Variants in FARS2 observed in about 807,000 individuals in gnomAD.
FARS2 encodes the protein phenylalanine--tRNA ligase, mitochondrial.
FARS2 carries 40 observed loss-of-function variants against 46.4 expected under a neutral mutation model. The observed-to-expected ratio is 0.86, with a 90% confidence interval of 0.67 to 1.12. The LOEUF is 1.12. Among genes scored for constraint, FARS2 ranks in the 50% most tolerant of loss-of-function variants. FARS2 has a pLI of 0.00. For missense variants in FARS2, 513 were observed against 567.9 expected (o/e 0.90, Z 0.98); for synonymous variants, 234 against 214.9 (o/e 1.09, Z -0.78).
chr6:5,709,457 T>C (rs1561813933), intron 6 of FARS2, among the ~76,000 whole-genome samples: 2 of 152,332 alleles, frequency 1.3e-5, no homozygotes, highest in African/African-American at 2.4e-5. Context: ...GGAACTCTGA[T>C]GTACACAGTG....
chr6:5,277,212 TTTTTC>T (rs1243588313), intron 1 of FARS2, among the ~76,000 whole-genome samples: 3 of 152,074 alleles, frequency 2.0e-5, no homozygotes, highest in South Asian at 2.1e-4. Context: ...TTGTTTTTTT[TTTTTC>T]TTTTCTTTTC....
rs548981551 is a variant in FARS2, at chr6:5,634,953, C to T, written c.1217+21633C>T. Among the ~76,000 whole-genome samples, 4 of 152,266 alleles carry T rather than the reference C, an allele frequency of 2.6e-5. No homozygotes were observed. The East Asian group carries it at 7.7e-4, about 29-fold the overall frequency. On this transcript the variant is annotated intron_variant, in intron 6 of 6. Transcript: ENST00000274680. ...TATTCCCTCTTATTTCTTAATGTGT[C>T]CTGGAAGGAATGGAATATGAAGTCT...
chr6:5,760,801 T>C (rs768404667), intron 6 of FARS2, among the ~76,000 whole-genome samples: 4 of 152,328 alleles, frequency 2.6e-5, no homozygotes, highest in African/African-American at 9.6e-5. Context: ...GCCAAAGTCA[T>C]GTCCCATCCT....
intron 6 of FARS2, among the ~76,000 whole-genome samples, chr6:5,755,428 G>A (rs949413347): frequency 2.6e-5 from 4 of 152,112 alleles, no homozygotes; most frequent in African/African-American, 9.7e-5. Context: ...TTATGAGTGA[G>A]AACATGTGGT....
At chr6:5,600,568 G>A (rs2150631725) in intron 5 of FARS2, among the ~76,000 whole-genome samples, 1 of 142,024 alleles carries the variant, frequency 7.0e-6, no homozygotes, top group Admixed American at 7.0e-5. Context: ...ATGAATAGAT[G>A]GAATTAAAAG....
intron 4 of FARS2, among the ~76,000 whole-genome samples, chr6:5,525,610 A>G (rs9392690): frequency 0.12 from 18,169 of 152,256 alleles, 1,182 homozygotes; most frequent in East Asian, 0.22. Flanking sequence ...GTGAGTGTCA[A>G]TGAGGGGAAC....
intron 6 of FARS2, among the ~76,000 whole-genome samples, chr6:5,728,268 A>T (rs1760394689): frequency 6.6e-6 from 1 of 151,908 alleles, no homozygotes; most frequent in African/African-American, 2.4e-5. Context: ...AATAGCTGGG[A>T]ATGGGCTGGT....
intron 1 of FARS2, among the ~76,000 whole-genome samples, chr6:5,360,820 A>G (rs1399574841): frequency 6.6e-6 from 1 of 152,160 alleles, no homozygotes; most frequent in Non-Finnish European, 1.5e-5. Flanking sequence ...AAAATTTATG[A>G]TGTTATGTTA....
At chr6:5,404,069 C>A (rs146234530) in intron 2 of FARS2, among the ~76,000 whole-genome samples, 1 of 152,146 alleles carries the variant, frequency 6.6e-6, no homozygotes, top group Non-Finnish European at 1.5e-5. Context: ...AGATAGTAAG[C>A]GGCAGAAACA....
chr6:5,618,611 A>T (rs1426609947), intron 6 of FARS2, among the ~76,000 whole-genome samples: 1 of 152,102 alleles, frequency 6.6e-6, no homozygotes, highest in Non-Finnish European at 1.5e-5. Context: ...AAATGGAGAA[A>T]TTTTTTCTTG....
intron 6 of FARS2, among the ~76,000 whole-genome samples, chr6:5,639,133 T>C (rs1410138885): frequency 6.6e-6 from 1 of 152,254 alleles, no homozygotes; most frequent in Non-Finnish European, 1.5e-5. Context: ...TTAGCCTCTC[T>C]GAGCCACTGA....
intron 6 of FARS2, among the ~76,000 whole-genome samples, chr6:5,621,843 T>G (rs1209691673): frequency 1.3e-5 from 2 of 152,218 alleles, no homozygotes; most frequent in Non-Finnish European, 2.9e-5. Flanking sequence ...AGGGAAGGTC[T>G]AAGGGCCAGA....
intron 2 of FARS2, among the ~76,000 whole-genome samples, chr6:5,395,032 T>C (rs1454869143): frequency 6.6e-6 from 1 of 152,066 alleles, no homozygotes; most frequent in Admixed American, 6.6e-5. Context: ...TTCTCTTTTC[T>C]AGCTGAATGA....
At chr6:5,385,454 G>T (rs1222544980) in intron 2 of FARS2, among the ~76,000 whole-genome samples, 3 of 146,432 alleles carry the variant, frequency 2.0e-5, no homozygotes, top group African/African-American at 7.6e-5. Flanking sequence ...ACGGGGTCTT[G>T]CTCTGTCACC....
chr6:5,457,153 G>C (rs1764940689), intron 4 of FARS2: 1 of 152,342 alleles, frequency 6.6e-6, no homozygotes, highest in Non-Finnish European at 1.5e-5. Context: ...CCAGCACATG[G>C]GGTGCACCCT....
intron 6 of FARS2, among the ~76,000 whole-genome samples, chr6:5,620,218 A>G (rs1328549871): frequency 6.6e-6 from 1 of 152,048 alleles, no homozygotes; most frequent in Non-Finnish European, 1.5e-5. Context: ...AGACACACAC[A>G]TACACGCACA....
chr6:5,565,205 T>A (rs1772255223), intron 5 of FARS2, among the ~76,000 whole-genome samples: 1 of 152,198 alleles, frequency 6.6e-6, no homozygotes, highest in Non-Finnish European at 1.5e-5. Context: ...CATAAATAGT[T>A]TAAAATAACT....
At chr6:5,511,118 G>C (rs1377221292) in intron 4 of FARS2, among the ~76,000 whole-genome samples, 4 of 152,132 alleles carry the variant, frequency 2.6e-5, no homozygotes, top group African/African-American at 9.7e-5. Flanking sequence ...CCCCAGATTG[G>C]TCCAACGTTT....
At chr6:5,548,937 G>C (rs925936528) in intron 5 of FARS2, among the ~76,000 whole-genome samples, 9 of 152,196 alleles carry the variant, frequency 5.9e-5, no homozygotes, top group Non-Finnish European at 2.9e-5. Context: ...GTGAAGTATA[G>C]ATTATAGATC....
Sources: allele counts gnomAD v4.1 joint callset (sites outside exome capture counted in the v4.1 genomes callset), GRCh38; gene constraint gnomAD v4.1.1; transcripts MANE v1.5; gene names NCBI Gene and HGNC (gene_info 2026-07-23, HGNC 2026-07-21).